The following UBR3 variants were observed in gnomAD, a reference collection of about 807,000 sequenced individuals.
UBR3 encodes the protein E3 ubiquitin-protein ligase UBR3.
A neutral mutation model predicts 243.2 loss-of-function variants in UBR3; 85 were observed. The observed-to-expected ratio is 0.35, with a 90% CI of 0.29 to 0.42. The LOEUF (loss-of-function observed/expected upper bound fraction) is 0.42. UBR3 is among the 10% of genes least tolerant of loss of function. The probability of loss-of-function intolerance (pLI) is 1.00; values close to 1 mark genes in which losing one functional copy is unlikely to be tolerated. For missense variants in UBR3, 1,686 were observed against 2,300.8 expected, an observed-to-expected ratio of 0.73 and a Z score of 5.47; for synonymous variants, 748 against 799.8, an observed-to-expected ratio of 0.94 and a Z score of 1.09.
At chr2:169,909,364 G>A (rs2085158410) in intron 10 of UBR3, among the ~76,000 whole-genome samples, 1 of 152,156 alleles carries the variant, frequency 6.6e-6, no homozygotes, top group Non-Finnish European at 1.5e-5. Context: ...AGTAGCGTGG[G>A]TGGGAAGCAG....
intron 24 of UBR3, among the ~76,000 whole-genome samples, chr2:169,965,916 A>G (rs1046218891): frequency 3.9e-5 from 6 of 152,148 alleles, no homozygotes; most frequent in Non-Finnish European, 5.9e-5. Context: ...AAAAATTCTA[A>G]TGTAGAAGCA....
intron 1 of UBR3, among the ~76,000 whole-genome samples, chr2:169,848,190 G>A (rs944780242): frequency 6.6e-6 from 1 of 151,990 alleles, no homozygotes; most frequent in Non-Finnish European, 1.5e-5. Flanking sequence ...GAAAACCATT[G>A]GTTCATTTAT....
intron 27 of UBR3, among the ~76,000 whole-genome samples, chr2:170,006,399 A>G (rs2089912335): frequency 6.6e-6 from 1 of 152,340 alleles, no homozygotes; most frequent in Admixed American, 6.5e-5. Flanking sequence ...TAAAAAGTTA[A>G]TGTCAAAAAG....
intron 32 of UBR3, among the ~76,000 whole-genome samples, chr2:170,045,462 A>C (rs181984798): frequency 3.0e-4 from 46 of 152,268 alleles, no homozygotes; most frequent in Non-Finnish European, 4.4e-4. Flanking sequence ...ATCTGTTCTT[A>C]ACCATGCTGT....
At chr2:170,050,174 C>G (rs1051212144) in intron 32 of UBR3, among the ~76,000 whole-genome samples, 4 of 152,112 alleles carry the variant, frequency 2.6e-5, no homozygotes, top group African/African-American at 9.7e-5. Flanking sequence ...GGATTCTTCA[C>G]TCATCAGAGA....
intron 25 of UBR3, 68 bp downstream of exon 25, chr2:169,986,862 A>T: frequency 6.6e-7 from 1 of 1,508,578 alleles, no homozygotes; most frequent in Admixed American, 1.8e-5. Flanking sequence ...ATTAATAAAT[A>T]TCTGTATTAA....
Position 169,916,195 on chromosome 2 carries a change from A to G in UBR3, c.1866+2049A>G, listed in dbSNP as rs1165512007. On this transcript the variant is annotated intron_variant, in intron 11 of 38. Transcript: ENST00000272793. ...TATTTGCATCTATATTTTTCTGTCT[A>G]TAGTGAAAGCTGTGAGTTCAAACTG... Among the ~76,000 whole-genome samples the G allele has an allele frequency of 5.3e-5, 8 of 152,250 alleles. No individual in the cohort carries two copies. In the East Asian group the frequency reaches 1.2e-3, roughly 22 times the overall value.
intron 10 of UBR3, among the ~76,000 whole-genome samples, chr2:169,909,878 T>C (rs1300979276): frequency 1.3e-5 from 2 of 152,184 alleles, no homozygotes; most frequent in Non-Finnish European, 2.9e-5. Context: ...GATATGTATA[T>C]ATTCAAAGTA....
chr2:170,006,870 G>T, intron 27 of UBR3, 120 bp from the exon 28 acceptor site: 1 of 804,800 alleles, frequency 1.2e-6, no homozygotes. Context: ...ATTTCTTTAT[G>T]ACATATATTA....
At chr2:170,005,218 C>T (rs1261992866) in intron 27 of UBR3, among the ~76,000 whole-genome samples, 4 of 152,106 alleles carry the variant, frequency 2.6e-5, no homozygotes, top group African/African-American at 9.7e-5. Context: ...AGCAAGGCTC[C>T]GTCTCAAACA....
chr2:170,070,422 T>A (rs922011209), intron 35 of UBR3, among the ~76,000 whole-genome samples: 4 of 152,046 alleles, frequency 2.6e-5, no homozygotes, highest in Non-Finnish European at 5.9e-5. Flanking sequence ...AGGAACAAGA[T>A]TGGAACAAGA....
At chr2:169,828,138 C>T in intron 1 of UBR3, 86 bp downstream of exon 1, 2 of 1,270,520 alleles carry the variant, frequency 1.6e-6, no homozygotes, top group Non-Finnish European at 2.0e-6. Flanking sequence ...GGAGCCCACT[C>T]TGAGCTGTCA....
chr2:170,023,834 C>T (rs1015359091), intron 30 of UBR3, among the ~76,000 whole-genome samples: 2 of 152,132 alleles, frequency 1.3e-5, no homozygotes, highest in African/African-American at 4.8e-5. Context: ...CCTCGGCCTC[C>T]CAAAGTGCTG....
intron 38 of UBR3, 86 bp from the exon 39 acceptor site, chr2:170,081,640 G>C: frequency 9.8e-7 from 1 of 1,025,046 alleles, no homozygotes; most frequent in Admixed American, 2.5e-5. Flanking sequence ...CACTGCGAGA[G>C]ACTGTCTCAG....
chr2:169,991,774 G>C (rs546418001), intron 25 of UBR3, among the ~76,000 whole-genome samples: 19 of 152,112 alleles, frequency 1.2e-4, no homozygotes, highest in African/African-American at 4.3e-4. Flanking sequence ...AGTAGAGATG[G>C]GGTTTCACTG....
At chr2:169,908,779 A>T (rs1014208605) in intron 10 of UBR3, among the ~76,000 whole-genome samples, 5 of 150,840 alleles carry the variant, frequency 3.3e-5, no homozygotes, top group African/African-American at 1.2e-4. Context: ...CGTGGGGGAG[A>T]TAAGAGGGAA....
In UBR3 at chr2:170,060,985, ATCACAGTTTTAC is replaced by A. The variant is rs1385615796; in HGVS notation, c.4786-91_4786-80del. 4 of 824,744 alleles carry A rather than the reference ATCACAGTTTTAC, an allele frequency of 4.8e-6. No homozygotes were observed. The African/African-American group carries it at 7.3e-5, about 15-fold the overall frequency. 51.1% of individuals were successfully genotyped at this position (824,744 alleles called of 1,614,324 possible). ...GCTCATATGCTTGAAAAATAATATAATCACAGTTTTACTCTACTCATTAAAAATTATTTCCAA... is the reference window on the plus strand; with the variant it reads ...GCTCATATGCTTGAAAAATAATATAATCTACTCATTAAAAATTATTTCCAA... On this transcript the variant is annotated intron_variant, in intron 33 of 38. Transcript: ENST00000272793.
chr2:170,062,545 C>T (rs2091476609), intron 35 of UBR3, among the ~76,000 whole-genome samples: 1 of 152,136 alleles, frequency 6.6e-6, no homozygotes, highest in Non-Finnish European at 1.5e-5. Context: ...AATAATCATT[C>T]ATTAGATATT....
chr2:169,839,672 C>T (rs1308406276), intron 1 of UBR3, among the ~76,000 whole-genome samples: 1 of 152,100 alleles, frequency 6.6e-6, no homozygotes, highest in Non-Finnish European at 1.5e-5. Flanking sequence ...ATAAAACACA[C>T]ACACACACAT....
Sources: gnomAD v4.1 joint callset for allele counts (sites outside exome capture counted in the v4.1 genomes callset) on GRCh38, gnomAD v4.1.1 for gene constraint, MANE v1.5 for transcripts, NCBI Gene and HGNC (gene_info 2026-07-23, HGNC 2026-07-21) for gene names.